GALK2: variants seen among roughly 807,000 people sequenced by gnomAD.
GALK2 encodes the protein N-acetylgalactosamine kinase.
GALK2 carries 36 observed loss-of-function variants against 52.4 expected under a neutral mutation model. The observed-to-expected ratio is 0.69, with a 90% CI of 0.53 to 0.91. The LOEUF is 0.91. Ranked by LOEUF, GALK2 falls within the 40% of genes least tolerant of loss-of-function variation. The pLI, the probability that GALK2 is intolerant of heterozygous loss-of-function variation, is 0.00. For missense variants in GALK2, 579 were observed against 559.1 expected (o/e 1.04, Z -0.36); for synonymous variants, 176 against 199.1 (o/e 0.88, Z 0.98).
intron 8 of GALK2, among the ~76,000 whole-genome samples, chr15:49,295,806 G>T (rs1228394004): frequency 6.6e-6 from 1 of 152,130 alleles, no homozygotes; most frequent in Non-Finnish European, 1.5e-5. Flanking sequence ...TGTCTTAAAA[G>T]CTTAATATAA....
At chr15:49,209,121 T>G (rs1053560971) in intron 2 of GALK2, among the ~76,000 whole-genome samples, 2 of 152,220 alleles carry the variant, frequency 1.3e-5, no homozygotes, top group African/African-American at 4.8e-5. Context: ...CGGTTCTCTA[T>G]CTTTTAAGTG....
intron 3 of GALK2, among the ~76,000 whole-genome samples, chr15:49,222,633 A>C (rs1330461181): frequency 1.3e-5 from 2 of 152,132 alleles, no homozygotes; most frequent in African/African-American, 4.8e-5. Flanking sequence ...TGCTTTCTCT[A>C]TGTCTATTGA....
Position 49,319,798 on chromosome 15 carries a change from A to C in GALK2, c.1162A>C (p.Ile388Leu). The change falls in exon 9 of 10, where the codon ATC becomes CTC. Residue 388 changes from isoleucine (I) to leucine (L), a missense_variant. Coordinates refer to ENST00000560031, the MANE Select transcript of GALK2 (RefSeq NM_002044.4). ...CCCCGAGCTGGATCAGCTGGTGGAC[A>C]TCTGTCGGTGAGGCAGCCTGGTGGG... ...SCPELDQLVD[I>L]CRKFGAQGSR... 6.2e-7 allele frequency: 1 copy of C among 1,613,488 alleles called. No homozygotes were observed. The highest frequency in any genetic ancestry group is 8.5e-7 in the Non-Finnish European group (1 of 1,179,850).
intron 3 of GALK2, among the ~76,000 whole-genome samples, chr15:49,350,415 A>T (rs2151295840): frequency 6.6e-6 from 1 of 152,312 alleles, no homozygotes; most frequent in Non-Finnish European, 1.5e-5. Flanking sequence ...TGCTCTAAAT[A>T]ATCTATATTG....
At chr15:49,256,578 G>T (rs1001088123) in intron 5 of GALK2, among the ~76,000 whole-genome samples, 18 of 152,138 alleles carry the variant, frequency 1.2e-4, no homozygotes, top group Non-Finnish European at 2.5e-4. Context: ...TAGTTGTATT[G>T]CTGGTACTGA....
chr15:49,157,943 G>T lies in GALK2; in HGVS notation c.20+1927G>T, dbSNP rs1237206647. ...TAATGCTACCTTACTTAAATTTAAG[G>T]GTTATCATGAAGATAAGTGAAATAG... is the stretch of plus-strand genomic sequence containing the variant. On this transcript the variant is annotated intron_variant, in intron 1 of 9. Transcript: ENST00000327171. 2.0e-5 allele frequency among the ~76,000 whole-genome samples: 3 copies of T among 152,026 alleles called. No homozygotes were observed. The East Asian group carries it at 5.8e-4, about 29-fold the overall frequency.
At chr15:49,275,756 G>A (rs1439012688) in intron 5 of GALK2, among the ~76,000 whole-genome samples, 2 of 152,098 alleles carry the variant, frequency 1.3e-5, no homozygotes, top group East Asian at 1.9e-4. Flanking sequence ...CAGGTTTAGC[G>A]AGGCATAACA....
At chr15:49,262,979 T>A (rs1404504986) in intron 5 of GALK2, among the ~76,000 whole-genome samples, 1 of 145,364 alleles carries the variant, frequency 6.9e-6, no homozygotes, top group South Asian at 2.3e-4. Flanking sequence ...GAGGAGAGCT[T>A]TACTTCCAAG....
chr15:49,156,241 C>A, intron 1 of GALK2: 1 of 558,720 alleles, frequency 1.8e-6, no homozygotes, highest in Non-Finnish European at 3.2e-6. Flanking sequence ...CTGACCTTTA[C>A]AGCCCTTGGG....
At chr15:49,346,281 C>A (rs1429200297) in intron 3 of GALK2, among the ~76,000 whole-genome samples, 1 of 152,134 alleles carries the variant, frequency 6.6e-6, no homozygotes, top group Admixed American at 6.5e-5. Flanking sequence ...CCATGGAGGG[C>A]CAAAAACTCT....
chr15:49,294,444 A>G (rs1323146292), intron 8 of GALK2, among the ~76,000 whole-genome samples: 1 of 151,892 alleles, frequency 6.6e-6, no homozygotes, highest in African/African-American at 2.4e-5. Flanking sequence ...CCAGATCACC[A>G]AAGGCCTTAT....
At position 49,283,577 on chromosome 15, in the gene GALK2, A is replaced by G; in HGVS notation, c.615A>G (p.Ile205Met). The change falls in exon 7 of 10, where the codon ATA (isoleucine) becomes ATG (methionine). Residue 205 changes from isoleucine (I) to methionine (M), a missense_variant. Physicochemically the swap from Ile to Met is conservative, Grantham distance 10 (BLOSUM62 1). Coordinates refer to ENST00000560031, the MANE Select transcript of GALK2 (RefSeq NM_002044.4). ...TTTTCTTCTAACAGGCCAAGTTGAT[A>G]GAATTTAGTCCTCTGAGGGCAACCG... ...FLAEEGTAKL[I>M]EFSPLRATDV... 6.2e-7 allele frequency: 1 copy of G among 1,610,864 alleles called. No individual in the cohort carries two copies. The highest frequency in any genetic ancestry group is 1.3e-5 in the African/African-American group (1 of 74,954).
intron 5 of GALK2, among the ~76,000 whole-genome samples, chr15:49,246,240 G>C (rs949852578): frequency 1.3e-5 from 2 of 152,172 alleles, no homozygotes; most frequent in Non-Finnish European, 2.9e-5. Context: ...CAAGAAGAAA[G>C]GACCAAGTGC....
chr15:49,361,490 C>A (rs899987283), intron 3 of GALK2, among the ~76,000 whole-genome samples: 1 of 152,104 alleles, frequency 6.6e-6, no homozygotes, highest in South Asian at 2.1e-4. Flanking sequence ...TTAGTGAGAA[C>A]ATGTGGTTTT....
Position 49,329,353 on chromosome 15 carries a change from T to C in GALK2, c.*1194T>C, listed in dbSNP as rs2038151644. The C allele has an allele frequency of 1.0e-6, 1 of 985,228 alleles. No homozygotes were observed. Among genetic ancestry groups the C allele is most frequent in the Non-Finnish European group, 1.2e-6 (1 of 829,908 alleles). The allele number at this position is 985,228 out of a possible 1,614,324, so 61.0% of individuals were successfully genotyped here. A position where few individuals can be genotyped will look rare whatever the true frequency, so the allele number is the denominator to read the frequency against. On this transcript the variant is annotated 3_prime_UTR_variant, in exon 10 of 10. Transcript: ENST00000560031. Reference sequence around the variant, plus strand: ...TTATGTAATGATTTGGACCAAAAAGTATTTTGCTGAAATACTCAGGTAATT... The same window carrying C: ...TTATGTAATGATTTGGACCAAAAAGCATTTTGCTGAAATACTCAGGTAATT...
intron 5 of GALK2, among the ~76,000 whole-genome samples, chr15:49,262,341 C>G (rs1353314526): frequency 6.6e-6 from 1 of 152,124 alleles, no homozygotes; most frequent in African/African-American, 2.4e-5. Flanking sequence ...TCTGGATTTT[C>G]TAGTTTATTT....
chr15:49,233,411 A>G (rs1363663723), intron 3 of GALK2, among the ~76,000 whole-genome samples: 1 of 152,196 alleles, frequency 6.6e-6, no homozygotes, highest in Admixed American at 6.5e-5. Context: ...TTGGCATGAG[A>G]TTTGGGCAGG....
At chr15:49,248,626 T>C (rs1287964258) in intron 5 of GALK2, among the ~76,000 whole-genome samples, 2 of 152,190 alleles carry the variant, frequency 1.3e-5, no homozygotes, top group Non-Finnish European at 2.9e-5. Flanking sequence ...ACCATTCACG[T>C]AGTTTTGTCA....
rs762599095 is a variant in GALK2 at position 49,331,871 on chromosome 15, T to C, written c.*3712T>C. On this transcript the variant is annotated 3_prime_UTR_variant, in exon 10 of 10. Coordinates refer to ENST00000560031, the MANE Select transcript of GALK2 (RefSeq NM_002044.4). ...GAGTCTAATCATGGAATAAAGAAAA[T>C]CAGTAACCAAACTAATTGTCCTTAT... The C allele has an allele frequency of 7.2e-5, 106 of 1,469,658 alleles. No homozygotes were observed. The highest frequency in any genetic ancestry group is 9.8e-5 in the Non-Finnish European group (103 of 1,049,022). The allele number at this position is 1,469,658 out of a possible 1,614,324, so 91.0% of individuals were successfully genotyped here. A position where few individuals can be genotyped will look rare whatever the true frequency, so the allele number is the denominator to read the frequency against.
Sources: gnomAD v4.1 joint callset for allele counts (sites outside exome capture counted in the v4.1 genomes callset) on GRCh38, gnomAD v4.1.1 for gene constraint, MANE v1.5 for transcripts, NCBI Gene and HGNC (gene_info 2026-07-23, HGNC 2026-07-21) for gene names.